SIK2: variants seen among roughly 807,000 people sequenced by gnomAD.
SIK2 encodes the protein serine/threonine-protein kinase SIK2.
In SIK2, 29 loss-of-function variants were observed where a neutral mutation model predicts 103.2. The ratio of observed to expected loss-of-function variants is 0.28; its 90% CI spans 0.21 to 0.38. The LOEUF is 0.38. SIK2 is among the 10% of genes least tolerant of loss of function. SIK2 has a pLI of 1.00. For synonymous variants in SIK2, 412 were observed against 446.1 expected, an observed-to-expected ratio of 0.92 and a Z score of 0.96; for missense variants, 879 against 1,171.0, an observed-to-expected ratio of 0.75 and a Z score of 3.64.
At chr11:111,645,924 T>C (rs1591599655) in intron 3 of SIK2, among the ~76,000 whole-genome samples, 2 of 152,186 alleles carry the variant, frequency 1.3e-5, no homozygotes, top group South Asian at 4.1e-4. Flanking sequence ...TCTGGAGTTC[T>C]GGTAATTTTT....
chr11:111,720,352 A>G (rs770585395), intron 10 of SIK2, 126 bp from the exon 11 acceptor site: 51 of 1,049,182 alleles, frequency 4.9e-5, no homozygotes, highest in Non-Finnish European at 6.4e-5. Flanking sequence ...AGGGCTCTGA[A>G]AAGATGTTTT....
rs533942464 is a variant in SIK2 at position 111,661,782 on chromosome 11, A to G, written c.317-26219A>G. Among the ~76,000 whole-genome samples, 99 of 152,344 alleles carry G rather than the reference A, an allele frequency of 6.5e-4. 1 individual carries two copies. Among genetic ancestry groups the G allele is most frequent in the African/African-American group, 2.3e-3 (95 of 41,588 alleles). The stretch of plus-strand genomic sequence containing the variant: ...TGGCAGCAGGCAAGAGTGCATGTGC[A>G]GAGGAACTGCCCTTTATAAAACCAT... On this transcript the variant is annotated intron_variant, in intron 3 of 14. Coordinates refer to ENST00000304987, the MANE Select transcript of SIK2 (RefSeq NM_015191.3).
At chr11:111,621,376 T>G (rs1941883716) in intron 3 of SIK2, among the ~76,000 whole-genome samples, 1 of 152,224 alleles carries the variant, frequency 6.6e-6, no homozygotes, top group Non-Finnish European at 1.5e-5. Context: ...CTAGCTTCTT[T>G]CCTTTACTAT....
intron 4 of SIK2, among the ~76,000 whole-genome samples, chr11:111,694,768 T>C (rs1381145619): frequency 6.6e-6 from 1 of 152,242 alleles, no homozygotes; most frequent in Non-Finnish European, 1.5e-5. Flanking sequence ...GCTGGGAATA[T>C]GGAAGATGGC....
chr11:111,657,283 A>G (rs1942403353), intron 3 of SIK2, among the ~76,000 whole-genome samples: 1 of 152,156 alleles, frequency 6.6e-6, no homozygotes, highest in African/African-American at 2.4e-5. Context: ...CCGTTTTGGT[A>G]AATATTGCTG....
intron 4 of SIK2, among the ~76,000 whole-genome samples, chr11:111,696,916 T>C (rs185564403): frequency 6.6e-6 from 1 of 152,344 alleles, no homozygotes; most frequent in Admixed American, 6.5e-5. Context: ...CACTTCACTA[T>C]ATGCATTTAG....
intron 3 of SIK2, among the ~76,000 whole-genome samples, chr11:111,636,443 G>A (rs1332698333): frequency 2.0e-5 from 3 of 152,146 alleles, no homozygotes; most frequent in African/African-American, 7.2e-5. Flanking sequence ...GTCACACATG[G>A]TACTAGGTGC....
chr11:111,697,714 G>C lies in SIK2; in HGVS notation c.479-3172G>C, dbSNP rs115170190. Reference sequence around the variant, plus strand: ...ATGATTACAAATACAGTGTTTGGCAGAGGGCAGTGGCTCACACCTGTAATC... The same window carrying C: ...ATGATTACAAATACAGTGTTTGGCACAGGGCAGTGGCTCACACCTGTAATC... On this transcript the variant is annotated intron_variant, in intron 4 of 14. Transcript: ENST00000304987. 5.9e-3 allele frequency among the ~76,000 whole-genome samples: 891 copies of C among 152,242 alleles called. 12 individuals carry two copies. The highest frequency in any genetic ancestry group is 0.02 in the African/African-American group (851 of 41,518).
Position 111,724,271 on chromosome 11 carries a change from T to G in SIK2, c.*142T>G. 8.0e-7 allele frequency: 1 copy of G among 1,244,354 alleles called. No homozygotes were observed. The highest frequency in any genetic ancestry group is 2.8e-5 in the Admixed American group (1 of 35,602). The allele number at this position is 1,244,354 out of a possible 1,614,324, so 77.1% of individuals were successfully genotyped here. On this transcript the variant is annotated 3_prime_UTR_variant, in exon 15 of 15. Coordinates refer to ENST00000304987, the MANE Select transcript of SIK2 (RefSeq NM_015191.3). ...GAGCCACCCAACTGGAATCAGAGGG[T>G]CTGGCTGGGGTGGATGTTGCTTCCT...
At chr11:111,678,794 G>A (rs914834924) in intron 3 of SIK2, among the ~76,000 whole-genome samples, 2 of 152,194 alleles carry the variant, frequency 1.3e-5, no homozygotes, top group Non-Finnish European at 2.9e-5. Context: ...AAATTGCTAT[G>A]TGTGGGCAGA....
chr11:111,624,255 A>C (rs1941931724), intron 3 of SIK2, among the ~76,000 whole-genome samples: 1 of 152,302 alleles, frequency 6.6e-6, no homozygotes, highest in East Asian at 1.9e-4. Context: ...GACTAAACTC[A>C]TTGTATTTCA....
At chr11:111,655,345 A>G (rs1942378299) in intron 3 of SIK2, among the ~76,000 whole-genome samples, 1 of 152,216 alleles carries the variant, frequency 6.6e-6, no homozygotes, top group South Asian at 2.1e-4. Context: ...CGGAGGTTGC[A>G]GTGAGCCAAG....
chr11:111,623,450 A>G (rs1224323049), intron 3 of SIK2, among the ~76,000 whole-genome samples: 3 of 152,128 alleles, frequency 2.0e-5, no homozygotes, highest in Non-Finnish European at 4.4e-5. Flanking sequence ...GACATTGCCA[A>G]TTTTACCTTG....
At chr11:111,634,225 A>C (rs187874357) in intron 3 of SIK2, among the ~76,000 whole-genome samples, 96 of 152,284 alleles carry the variant, frequency 6.3e-4, no homozygotes, top group Non-Finnish European at 1.0e-3. Flanking sequence ...GTAACATACT[A>C]GGATGCCAGC....
At chr11:111,610,120 AC>A in intron 1 of SIK2, among the ~76,000 whole-genome samples, 1 of 152,204 alleles carries the variant, frequency 6.6e-6, no homozygotes, top group East Asian at 1.9e-4. Context: ...CCCAAAAGCA[AC>A]TTTTGTATAT....
chr11:111,713,090 A>T (rs1434400885), intron 9 of SIK2, among the ~76,000 whole-genome samples: 1 of 152,166 alleles, frequency 6.6e-6, no homozygotes, highest in Admixed American at 6.5e-5. Flanking sequence ...TCTTGAGCCC[A>T]GGGGGCCGAG....
intron 3 of SIK2, among the ~76,000 whole-genome samples, chr11:111,649,235 A>C (rs1942297556): frequency 6.6e-6 from 1 of 152,022 alleles, no homozygotes. Flanking sequence ...TATTCCATGT[A>C]TCTCTCTATA....
intron 3 of SIK2, among the ~76,000 whole-genome samples, chr11:111,637,356 T>C (rs1942122010): frequency 6.6e-6 from 1 of 152,060 alleles, no homozygotes; most frequent in African/African-American, 2.4e-5. Context: ...CCTAAAGGCT[T>C]TAAATTCTTG....
intron 2 of SIK2, among the ~76,000 whole-genome samples, chr11:111,619,069 T>C (rs973410091): frequency 2.0e-5 from 3 of 152,192 alleles, no homozygotes; most frequent in African/African-American, 7.2e-5. Flanking sequence ...AAGATACTTC[T>C]AAGAAACTAA....
Sources: gnomAD v4.1 joint callset for allele counts (sites outside exome capture counted in the v4.1 genomes callset) on GRCh38, gnomAD v4.1.1 for gene constraint, MANE v1.5 for transcripts, NCBI Gene and HGNC (gene_info 2026-07-23, HGNC 2026-07-21) for gene names.